EXOC4: variants seen among roughly 807,000 people sequenced by gnomAD.
EXOC4 encodes the protein SEC8-like 1.
A neutral mutation model predicts 107.2 loss-of-function variants in EXOC4; 71 were observed. That is an observed-to-expected ratio of 0.66 (90% confidence interval 0.55 to 0.81). The LOEUF (loss-of-function observed/expected upper bound fraction) is 0.81. Among genes scored for constraint, EXOC4 ranks in the 30% least tolerant of loss-of-function variants. The pLI, the probability that EXOC4 is intolerant of heterozygous loss-of-function variation, is 0.00. For synonymous variants in EXOC4, 456 were observed against 441.2 expected, an observed-to-expected ratio of 1.03 and a Z score of -0.42; for missense variants, 1,108 against 1,189.6, an observed-to-expected ratio of 0.93 and a Z score of 1.01.
chr7:134,085,408 G>A, the EXOC4 span, among the ~76,000 whole-genome samples: 2 of 151,776 alleles, frequency 1.3e-5, no homozygotes, highest in Non-Finnish European at 2.9e-5. Flanking sequence ...GAGGATTTAT[G>A]CAAGAAAAAC....
At chr7:134,076,621 T>C in the EXOC4 span, among the ~76,000 whole-genome samples, 875 of 151,942 alleles carry the variant, frequency 5.8e-3, 13 homozygotes, top group African/African-American at 0.02. Context: ...TATATCTCTC[T>C]TTAACATATA....
chr7:134,074,539 G>A, the EXOC4 span, among the ~76,000 whole-genome samples: 6 of 152,180 alleles, frequency 3.9e-5, no homozygotes, highest in East Asian at 3.9e-4. Context: ...GAGAGCTTCC[G>A]TCCCAACCAT....
At chr7:133,915,531 G>GT (rs1032969092) in intron 12 of EXOC4, among the ~76,000 whole-genome samples, 2 of 152,094 alleles carry the variant, frequency 1.3e-5, no homozygotes, top group Non-Finnish European at 2.9e-5. Flanking sequence ...AAGGGCAAAT[G>GT]TTTTTTTAAA....
At chr7:133,497,058 C>T (rs73148998) in intron 9 of EXOC4, among the ~76,000 whole-genome samples, 21,863 of 152,110 alleles carry the variant, frequency 0.14, 1,972 homozygotes, top group Non-Finnish European at 0.2. Context: ...CTCTGTCTAA[C>T]AGCCAACAGA....
chr7:133,320,554 A>G (rs1584808364), intron 5 of EXOC4, among the ~76,000 whole-genome samples: 1 of 152,214 alleles, frequency 6.6e-6, no homozygotes, highest in South Asian at 2.1e-4. Context: ...CAAGGTCCTT[A>G]ACTTTAATTA....
chr7:133,478,259 C>T (rs935042871), intron 8 of EXOC4, among the ~76,000 whole-genome samples: 7 of 150,034 alleles, frequency 4.7e-5, no homozygotes, highest in Admixed American at 2.0e-4. Flanking sequence ...CTCAGTCAGA[C>T]CACATACACA....
chr7:134,040,589 A>T (rs1005448756), intron 17 of EXOC4, among the ~76,000 whole-genome samples: 26 of 152,332 alleles, frequency 1.7e-4, no homozygotes, highest in Admixed American at 1.7e-3. Flanking sequence ...TTTAATAAAT[A>T]TTTGATCATT....
chr7:133,481,691 G>A (rs1236532702), intron 9 of EXOC4, among the ~76,000 whole-genome samples: 1 of 152,194 alleles, frequency 6.6e-6, no homozygotes, highest in East Asian at 1.9e-4. Flanking sequence ...TAGGGTATTA[G>A]GAAGAGGAGA....
rs61180147 is a variant in EXOC4, at chr7:133,256,068, G to A, written c.86+2881G>A. Among the ~76,000 whole-genome samples, 5 of 151,154 alleles carry A rather than the reference G, an allele frequency of 3.3e-5. No individual in the cohort carries two copies. In the East Asian group the frequency reaches 9.8e-4, roughly 30 times the overall value. ...GCAATCTTGGCTCACTGCAAGCTCC[G>A]CCTTCCGGGTTCACACCATTCTCCT... On this transcript the variant is annotated intron_variant, in intron 1 of 17. Transcript: ENST00000253861.
chr7:133,409,618 C>T (rs1047181761), intron 7 of EXOC4, among the ~76,000 whole-genome samples: 1 of 152,172 alleles, frequency 6.6e-6, no homozygotes, highest in Admixed American at 6.5e-5. Context: ...CCTGCCTAAA[C>T]TTTTCTTACT....
At chr7:133,812,014 T>C (rs535578555) in intron 10 of EXOC4, among the ~76,000 whole-genome samples, 1 of 152,336 alleles carries the variant, frequency 6.6e-6, no homozygotes, top group South Asian at 2.1e-4. Context: ...ATTTACACTT[T>C]GCGCCTGGCC....
intron 7 of EXOC4, among the ~76,000 whole-genome samples, chr7:133,421,788 C>CA (rs1463498077): frequency 6.6e-6 from 1 of 152,174 alleles, no homozygotes; most frequent in Non-Finnish European, 1.5e-5. Flanking sequence ...CCTAACTACT[C>CA]ATTCATTTTT....
At chr7:133,930,730 T>A (rs140142092) in intron 13 of EXOC4, 13 of 152,078 alleles carry the variant, frequency 8.5e-5, no homozygotes, top group African/African-American at 3.1e-4. Context: ...CTCCAACTTA[T>A]TGGCTATTTT....
At chr7:133,393,054 A>G (rs899082039) in intron 7 of EXOC4, among the ~76,000 whole-genome samples, 12 of 152,038 alleles carry the variant, frequency 7.9e-5, no homozygotes, top group African/African-American at 2.9e-4. Context: ...CTACAGTAGT[A>G]GTTTTGTTTA....
chr7:133,381,680 T>G (rs1414442036), intron 7 of EXOC4, among the ~76,000 whole-genome samples: 2 of 152,190 alleles, frequency 1.3e-5, no homozygotes, highest in Admixed American at 6.6e-5. Context: ...GTGATTTATC[T>G]TTACAGTAAT....
chr7:133,480,238 TAACA>T, intron 9 of EXOC4, 100 bp downstream of exon 9: 1 of 1,544,864 alleles, frequency 6.5e-7, no homozygotes, highest in Non-Finnish European at 8.8e-7. Context: ...CCTTTCAAGG[TAACA>T]AACACTTAGT....
chr7:134,041,860 T>G (rs1487820103), intron 17 of EXOC4, among the ~76,000 whole-genome samples: 1 of 152,192 alleles, frequency 6.6e-6, no homozygotes, highest in Non-Finnish European at 1.5e-5. Context: ...TTTTAATTAC[T>G]CTCTATCTTT....
chr7:133,517,780 C>T (rs1368593231), intron 9 of EXOC4, among the ~76,000 whole-genome samples: 1 of 152,104 alleles, frequency 6.6e-6, no homozygotes, highest in African/African-American at 2.4e-5. Flanking sequence ...GTGACACAGC[C>T]AAACCATATC....
chr7:133,397,233 G>A (rs1166561472), intron 7 of EXOC4, among the ~76,000 whole-genome samples: 6 of 151,060 alleles, frequency 4.0e-5, no homozygotes, highest in African/African-American at 1.5e-4. Flanking sequence ...GGGTTCAAGC[G>A]ATTCTCCTGC....
Sources: gnomAD v4.1 joint callset for allele counts (sites outside exome capture counted in the v4.1 genomes callset) on GRCh38, gnomAD v4.1.1 for gene constraint, MANE v1.5 for transcripts, NCBI Gene and HGNC (gene_info 2026-07-23, HGNC 2026-07-21) for gene names.